The following AASS variants were observed in gnomAD, a reference collection of about 807,000 sequenced individuals.
AASS encodes the protein alpha-aminoadipic semialdehyde synthase, mitochondrial.
AASS carries 86 observed loss-of-function variants against 105.4 expected under a neutral mutation model. The observed-to-expected ratio is 0.82, with a 90% CI of 0.69 to 0.98. The LOEUF (loss-of-function observed/expected upper bound fraction) is 0.98, where lower values mean the gene tolerates loss of function less well. Ranked by LOEUF, AASS falls within the 50% of genes least tolerant of loss-of-function variation. AASS has a pLI of 0.00. For synonymous variants in AASS, 381 were observed against 394.8 expected (o/e 0.96, Z 0.41); for missense variants, 1,048 against 1,143.2 (o/e 0.92, Z 1.20).
chr7:122,081,691 A>G, intron 19 of AASS, 96 bp from the exon 20 acceptor site: 1 of 847,358 alleles, frequency 1.2e-6, no homozygotes, highest in East Asian at 2.6e-5. Flanking sequence ...TTTGTAACTA[A>G]TTTAGAAAAC....
intron 11 of AASS, among the ~76,000 whole-genome samples, chr7:122,104,578 C>T (rs940243771): frequency 7.9e-5 from 12 of 152,076 alleles, no homozygotes; most frequent in African/African-American, 2.9e-4. Context: ...GGTGACAGAG[C>T]AAGACTGCCT....
intron 13 of AASS, among the ~76,000 whole-genome samples, chr7:122,100,606 ACT>A (rs1794381646): frequency 1.3e-5 from 2 of 151,762 alleles, no homozygotes; most frequent in South Asian, 4.1e-4. Context: ...TTTTTTTCCA[ACT>A]CTGGTTTCTC....
At position 122,090,221 on chromosome 7, in the gene AASS, A is replaced by G. The variant is rs73442819; in HGVS notation, c.2016+1482T>C. Among the ~76,000 whole-genome samples the G allele has an allele frequency of 4.6e-3, 695 of 152,308 alleles. 7 individuals are homozygous for G. Among genetic ancestry groups the G allele is most frequent in the African/African-American group, 0.016 (659 of 41,582 alleles). On this transcript the variant is annotated intron_variant, in intron 18 of 23. Coordinates refer to ENST00000417368, the MANE Select transcript of AASS (RefSeq NM_005763.4). ...TTTATTATCCTGAAACATGTCACAC[A>G]TCATTCCGGCATCAAGCTAAAGTGT...
At chr7:122,102,315 C>T (rs1422324722) in intron 11 of AASS, among the ~76,000 whole-genome samples, 2 of 151,936 alleles carry the variant, frequency 1.3e-5, no homozygotes, top group African/African-American at 4.8e-5. Context: ...ATTTCAGCAA[C>T]CTTCTAGTCC....
In AASS at chr7:122,093,089, A is replaced by G; in HGVS notation, c.1725T>C (p.Thr575=). The G allele has an allele frequency of 6.2e-7, 1 of 1,614,032 alleles. No individual in the cohort carries two copies. The highest frequency in any genetic ancestry group is 8.5e-7 in the Non-Finnish European group (1 of 1,179,908). ...ACITNKVNMV[T]ASYITPALKE... ...TTAGTGCTGGTGTGATGTAGCTTGC[A>G]GTGACCATGTTAACTTTGTTTGTGA... is the stretch of plus-strand genomic sequence containing the variant. The change falls in exon 16 of 24, where the codon ACT becomes ACC. Residue 575 remains threonine, a synonymous_variant. Transcript: ENST00000417368.
chr7:122,106,923 G>A (rs1319507630), intron 11 of AASS, among the ~76,000 whole-genome samples: 2 of 152,018 alleles, frequency 1.3e-5, no homozygotes, highest in Admixed American at 1.3e-4. Context: ...AGGGGGTTTT[G>A]CACAGCAAAA....
intron 9 of AASS, 59 bp from the exon 10 acceptor site, chr7:122,113,779 T>C (rs1418802728): frequency 1.9e-6 from 3 of 1,559,992 alleles, no homozygotes; most frequent in Non-Finnish European, 2.6e-6. Flanking sequence ...CCAACAAGAC[T>C]AAAAAAAAAG....
At chr7:122,101,220 T>A (rs1159560715) in intron 13 of AASS, 151 bp downstream of exon 13, 7 of 691,060 alleles carry the variant, frequency 1.0e-5, no homozygotes, top group Middle Eastern at 4.1e-4. Flanking sequence ...GCCAGCCACT[T>A]AGTTTGGATT....
Position 122,129,436 on chromosome 7 carries a change from C to T in AASS, c.312G>A (p.Lys104=). 2 of 1,613,506 alleles carry T rather than the reference C, an allele frequency of 1.2e-6. No individual in the cohort carries two copies. The highest frequency in any genetic ancestry group is 1.3e-5 in the African/African-American group (1 of 75,014). Residue 104 remains lysine, a synonymous_variant, in exon 3 of 24, where the codon AAG becomes AAA. Coordinates refer to ENST00000417368, the MANE Select transcript of AASS (RefSeq NM_005763.4). ...TTGTGTGGGAGAAAAATGCATAAGT[C>T]TTCCTGGACATTAATTTTTCCTCTG... The part of the protein sequence containing the change: ...RPPEEKLMSR[K]TYAFFSHTIK...
At chr7:122,100,077 A>G (rs1229783652) in intron 13 of AASS, among the ~76,000 whole-genome samples, 1 of 151,918 alleles carries the variant, frequency 6.6e-6, no homozygotes, top group Admixed American at 6.6e-5. Context: ...AGTGATGAAA[A>G]GAAGAGAAGA....
chr7:122,075,675 C>G lies in AASS; in HGVS notation c.*814G>C, dbSNP rs1017208644. ...AAAGGGTGTTGAATTTTGTTAAATA[C>G]TTTTCCTGTGCCTAATGAAGTGATC... On this transcript the variant is annotated 3_prime_UTR_variant, in exon 24 of 24. Transcript: ENST00000417368. The G allele has an allele frequency of 6.6e-6, 1 of 151,988 alleles. No homozygotes were observed. Among genetic ancestry groups the G allele is most frequent in the African/African-American group, 2.4e-5 (1 of 41,372 alleles). 9.4% of individuals were successfully genotyped at this position (151,988 alleles called of 1,614,324 possible).
At chr7:122,138,076 C>T (rs1796235656) in intron 1 of AASS, among the ~76,000 whole-genome samples, 1 of 152,136 alleles carries the variant, frequency 6.6e-6, no homozygotes, top group African/African-American at 2.4e-5. Flanking sequence ...ACAGTCTTCC[C>T]TTTGTTACAT....
At chr7:122,129,152 A>G (rs942832676) in intron 3 of AASS, among the ~76,000 whole-genome samples, 1 of 152,068 alleles carries the variant, frequency 6.6e-6, no homozygotes, top group Non-Finnish European at 1.5e-5. Flanking sequence ...CTAAAATTCT[A>G]TTTGATAGTA....
chr7:122,095,188 C>T (rs1794091424), intron 15 of AASS, among the ~76,000 whole-genome samples: 1 of 152,118 alleles, frequency 6.6e-6, no homozygotes, highest in East Asian at 1.9e-4. Context: ...AGGAGACAGG[C>T]TTTAACGGTG....
At chr7:122,099,401 C>T (rs1352033904) in intron 13 of AASS, among the ~76,000 whole-genome samples, 1 of 151,832 alleles carries the variant, frequency 6.6e-6, no homozygotes, top group Non-Finnish European at 1.5e-5. Context: ...GACTTTGAGT[C>T]ACACATGCCA....
intron 21 of AASS, chr7:122,079,388 T>C: frequency 3.7e-6 from 5 of 1,355,932 alleles, no homozygotes; most frequent in Non-Finnish European, 4.9e-6. Context: ...TGTTTCGAGA[T>C]AAGCATTTCT....
intron 11 of AASS, among the ~76,000 whole-genome samples, chr7:122,106,149 C>T (rs279666): frequency 0.63 from 95,143 of 151,810 alleles, 31,623 homozygotes; most frequent in African/African-American, 0.87. Context: ...AGAATCATGT[C>T]ATCTGCAAAA....
intron 1 of AASS, among the ~76,000 whole-genome samples, chr7:122,141,187 C>A (rs1438989816): frequency 1.3e-5 from 2 of 152,092 alleles, no homozygotes; most frequent in Non-Finnish European, 2.9e-5. Flanking sequence ...CATGTTAAAC[C>A]CTCTATAAAA....
At chr7:122,124,634 TG>T (rs1441807031) in intron 4 of AASS, among the ~76,000 whole-genome samples, 1 of 152,190 alleles carries the variant, frequency 6.6e-6, no homozygotes, top group African/African-American at 2.4e-5. Flanking sequence ...TGTGTTTACT[TG>T]CTTGAATGCT....
Sources: gnomAD v4.1 joint callset for allele counts (sites outside exome capture counted in the v4.1 genomes callset) on GRCh38, gnomAD v4.1.1 for gene constraint, MANE v1.5 for transcripts, NCBI Gene and HGNC (gene_info 2026-07-23, HGNC 2026-07-21) for gene names.